AUH: variants seen among roughly 807,000 people sequenced by gnomAD.
AUH encodes AU RNA binding methylglutaconyl-CoA hydratase.
Under a neutral mutation model 42.3 loss-of-function variants are expected in AUH, and 29 were observed. The observed-to-expected ratio is 0.69, with a 90% CI of 0.51 to 0.93. The LOEUF (loss-of-function observed/expected upper bound fraction) is 0.93, where lower values mean the gene tolerates loss of function less well. Among genes scored for constraint, AUH ranks in the 40% least tolerant of loss-of-function variants. The pLI, the probability that AUH is intolerant of heterozygous loss-of-function variation, is 0.00. For missense variants in AUH, 452 were observed against 438.1 expected, an observed-to-expected ratio of 1.03 and a Z score of -0.28; for synonymous variants, 174 against 166.4, an observed-to-expected ratio of 1.05 and a Z score of -0.35.
intron 4 of AUH, among the ~76,000 whole-genome samples, chr9:91,323,974 G>A (rs1829784556): frequency 1.3e-5 from 2 of 152,050 alleles, no homozygotes; most frequent in African/African-American, 4.8e-5. Context: ...TGGAAAAACT[G>A]ATGTGCGAGA....
intron 4 of AUH, among the ~76,000 whole-genome samples, chr9:91,314,057 C>G (rs1237940424): frequency 6.6e-6 from 1 of 152,070 alleles, no homozygotes; most frequent in Non-Finnish European, 1.5e-5. Flanking sequence ...CTTCTGACCT[C>G]AGGTGATCTG....
At chr9:91,259,574 G>C (rs1263246635) in intron 6 of AUH, among the ~76,000 whole-genome samples, 1 of 151,950 alleles carries the variant, frequency 6.6e-6, no homozygotes, top group Non-Finnish European at 1.5e-5. Flanking sequence ...AGATTTTAAA[G>C]TTATAATTTC....
intron 6 of AUH, among the ~76,000 whole-genome samples, chr9:91,243,981 T>G (rs76545272): frequency 6.6e-6 from 1 of 152,182 alleles, no homozygotes; most frequent in Non-Finnish European, 1.5e-5. Flanking sequence ...CTTCTTAGCA[T>G]AGCAAAGAAA....
chr9:91,347,250 A>G (rs1327269857), intron 3 of AUH, among the ~76,000 whole-genome samples: 1 of 141,536 alleles, frequency 7.1e-6, no homozygotes. Flanking sequence ...GTTTTGGTAG[A>G]GATGGGGTTT....
intron 6 of AUH, among the ~76,000 whole-genome samples, chr9:91,250,841 G>A (rs540618368): frequency 3.2e-4 from 49 of 152,342 alleles, no homozygotes; most frequent in Non-Finnish European, 6.0e-4. Context: ...GACCAAGTGT[G>A]AGCTCCCTGT....
chr9:91,282,872 C>A (rs886443342), intron 6 of AUH, among the ~76,000 whole-genome samples: 22 of 152,176 alleles, frequency 1.4e-4, no homozygotes, highest in African/African-American at 5.3e-4. Context: ...CAGCCAAATT[C>A]TACCAAAGGT....
chr9:91,253,868 T>C (rs1230517768), intron 6 of AUH, among the ~76,000 whole-genome samples: 3 of 152,210 alleles, frequency 2.0e-5, no homozygotes, highest in Non-Finnish European at 2.9e-5. Context: ...GCATACAAAA[T>C]TGTATTTTAA....
chr9:91,310,729 A>T lies in AUH; in HGVS notation c.506-12653T>A, dbSNP rs551806446. On this transcript the variant is annotated intron_variant, in intron 4 of 9. Coordinates refer to ENST00000375731, the MANE Select transcript of AUH (RefSeq NM_001698.3). ...TAAGAGTATCATTACATGCTGAAAT[A>T]TAATGGAACTTCAAGCTTAGGATAA... is the stretch of plus-strand genomic sequence containing the variant. Among the ~76,000 whole-genome samples the T allele has an allele frequency of 2.1e-4, 32 of 152,354 alleles. No homozygotes were observed. The South Asian group carries it at 6.6e-3, about 32-fold the overall frequency.
Position 91,253,739 on chromosome 9 carries a change from C to T in AUH, c.656-32747G>A, listed in dbSNP as rs551295512. Reference sequence around the variant, plus strand: ...AGTTTCTGTACCCCCTTGTGGGGCTCCATGTGAATTAACACTCAGCACCTC... The same window carrying T: ...AGTTTCTGTACCCCCTTGTGGGGCTTCATGTGAATTAACACTCAGCACCTC... On this transcript the variant is annotated intron_variant, in intron 6 of 9. Transcript: ENST00000375731. Among the ~76,000 whole-genome samples the T allele has an allele frequency of 5.3e-5, 8 of 152,286 alleles. No individual in the cohort carries two copies. The South Asian group carries it at 1.5e-3, about 28-fold the overall frequency.
chr9:91,315,409 T>A lies in AUH; in HGVS notation c.505+9909A>T, dbSNP rs1829079494. 3.3e-5 allele frequency among the ~76,000 whole-genome samples: 5 copies of A among 152,206 alleles called. No homozygotes were observed. In the South Asian group the frequency reaches 1.0e-3, roughly 31 times the overall value. ...CTCCTCCTGCAGCTTATTGACTATG[T>A]ATACCTGGCCACCCTGCTCAGCATA... On this transcript the variant is annotated intron_variant, in intron 4 of 9. Transcript: ENST00000375731.
chr9:91,222,663 A>G (rs1827199702), intron 6 of AUH, among the ~76,000 whole-genome samples: 1 of 152,198 alleles, frequency 6.6e-6, no homozygotes, highest in African/African-American at 2.4e-5. Flanking sequence ...AAGACAAGCT[A>G]TTTATGGTGC....
At chr9:91,215,517 T>G (rs1023353928) in intron 9 of AUH, among the ~76,000 whole-genome samples, 1 of 152,230 alleles carries the variant, frequency 6.6e-6, no homozygotes, top group Non-Finnish European at 1.5e-5. Context: ...TCAGTACAGA[T>G]GCAACCATCT....
At chr9:91,328,501 G>A (rs755635356) in intron 3 of AUH, among the ~76,000 whole-genome samples, 37 of 152,240 alleles carry the variant, frequency 2.4e-4, no homozygotes, top group Middle Eastern at 3.4e-3. Context: ...TAAACTGGTC[G>A]GGTAAAGAGG....
At chr9:91,260,387 G>A (rs1049572245) in intron 6 of AUH, among the ~76,000 whole-genome samples, 2 of 150,946 alleles carry the variant, frequency 1.3e-5, no homozygotes, top group African/African-American at 4.8e-5. Context: ...TTTATCACCT[G>A]TTGTTACTTG....
chr9:91,229,728 G>GTGCCTAAAA (rs1827752937), intron 6 of AUH, among the ~76,000 whole-genome samples: 1 of 151,782 alleles, frequency 6.6e-6, no homozygotes, highest in Admixed American at 6.6e-5. Flanking sequence ...ACTTCCTTCA[G>GTGCCTAAAA]GAGCTCTTTT....
At chr9:91,356,012 AAAAC>A in intron 2 of AUH, 42 bp from the exon 3 acceptor site, 1 of 1,604,508 alleles carries the variant, frequency 6.2e-7, no homozygotes, top group Non-Finnish European at 8.5e-7. Context: ...AGAGAAAAAA[AAAAC>A]AAAACATTTT....
intron 6 of AUH, among the ~76,000 whole-genome samples, chr9:91,231,151 C>T (rs1052036223): frequency 1.3e-5 from 2 of 152,176 alleles, no homozygotes; most frequent in East Asian, 1.9e-4. Context: ...CCCCCAGCCT[C>T]GGTGCTGCCT....
intron 3 of AUH, among the ~76,000 whole-genome samples, chr9:91,326,231 A>C (rs1023528802): frequency 6.6e-6 from 1 of 152,180 alleles, no homozygotes; most frequent in South Asian, 2.1e-4. Context: ...AATCATGCTG[A>C]TACATAATAT....
chr9:91,331,952 T>G (rs924747543), intron 3 of AUH, among the ~76,000 whole-genome samples: 3 of 152,226 alleles, frequency 2.0e-5, no homozygotes, highest in Non-Finnish European at 4.4e-5. Context: ...CCCCTTGAGA[T>G]CTAATGCTTT....
Sources: allele counts gnomAD v4.1 joint callset (sites outside exome capture counted in the v4.1 genomes callset), GRCh38; gene constraint gnomAD v4.1.1; transcripts MANE v1.5; gene names NCBI Gene and HGNC (gene_info 2026-07-23, HGNC 2026-07-21).